KLF13: variants seen among roughly 807,000 people sequenced by gnomAD.
The protein encoded by KLF13 is KLF transcription factor 13, also known as Krueppel-like factor 13.
In KLF13, 8 loss-of-function variants were observed where a neutral mutation model predicts 16.7. The observed-to-expected ratio is 0.48, with a 90% confidence interval of 0.28 to 0.87. The LOEUF is 0.87. Ranked by LOEUF, KLF13 falls within the 40% of genes least tolerant of loss-of-function variation. KLF13 has a pLI of 0.10. For missense variants in KLF13, 447 were observed against 452.2 expected (o/e 0.99, Z 0.10); for synonymous variants, 245 against 208.4 (o/e 1.18, Z -1.51).
rs145799285 is a variant in KLF13, at chr15:31,415,675, A to G, written n.118-19695A>G. 6.7e-3 allele frequency among the ~76,000 whole-genome samples: 1,014 copies of G among 152,268 alleles called. 12 individuals carry two copies. The highest frequency in any genetic ancestry group is 0.023 in the African/African-American group (968 of 41,576). ...GGGAAATTTATAGCTGTAAATACCTATGTTAAAAAAGAAAAAAGATCTTAA... is the reference window on the plus strand; with the variant it reads ...GGGAAATTTATAGCTGTAAATACCTGTGTTAAAAAAGAAAAAAGATCTTAA... On this transcript the variant is annotated intron_variant and non_coding_transcript_variant, in intron 1 of 1. Coordinates refer to the KLF13 transcript ENST00000558225.
intron 1 of KLF13, among the ~76,000 whole-genome samples, chr15:31,415,535 T>A (rs1055887081): frequency 1.3e-5 from 2 of 152,040 alleles, no homozygotes; most frequent in African/African-American, 4.8e-5. Flanking sequence ...CACTCCTGAA[T>A]AACCAATAGG....
intron 2 of KLF13, among the ~76,000 whole-genome samples, chr15:31,396,646 G>T (rs2039955556): frequency 6.6e-6 from 1 of 152,170 alleles, no homozygotes; most frequent in South Asian, 2.1e-4. Context: ...GGAGTACAGG[G>T]TCTGCAAAAT....
Position 31,327,267 on chromosome 15 carries a change from T to G in KLF13, c.55T>G (p.Ser19Ala). Reference sequence around the variant, plus strand: ...CGCCGCCGAGTGCCTCGTGTCCATGTCGAGCCGCGCGGTCGTGCACGGGCC... The same window carrying G: ...CGCCGCCGAGTGCCTCGTGTCCATGGCGAGCCGCGCGGTCGTGCACGGGCC... The part of the protein sequence containing the change: ...HFAAECLVSM[S>A]SRAVVHGPRE... The change falls in exon 1 of 2, where the codon TCG becomes GCG. Residue 19 changes from serine to alanine, a missense_variant. Ser to Ala is a moderately conservative substitution (Grantham distance 99). Around this residue, in one of 2 missense-constraint regions of KLF13, gnomAD observed 359 missense variants for 282.8 expected, o/e 1.27. Transcript: ENST00000307145. 7.3e-7 allele frequency: 1 copy of G among 1,372,296 alleles called. No homozygotes were observed. Among genetic ancestry groups the G allele is most frequent in the Non-Finnish European group, 9.4e-7 (1 of 1,061,418 alleles). 85.0% of individuals were successfully genotyped at this position (1,372,296 alleles called of 1,614,324 possible).
intron 2 of KLF13, among the ~76,000 whole-genome samples, chr15:31,398,195 G>A (rs1421689685): frequency 6.6e-6 from 1 of 152,138 alleles, no homozygotes; most frequent in African/African-American, 2.4e-5. Context: ...CTTAATTGGT[G>A]GTGTTTTCAG....
At chr15:31,432,957 A>G (rs2040491070) in intron 1 of KLF13, among the ~76,000 whole-genome samples, 1 of 152,198 alleles carries the variant, frequency 6.6e-6, no homozygotes, top group Non-Finnish European at 1.5e-5. Context: ...TCTACTAAAA[A>G]TACAAAAATT....
chr15:31,407,330 A>G (rs144285677), downstream of KLF13, among the ~76,000 whole-genome samples: 58 of 152,262 alleles, frequency 3.8e-4, 2 homozygotes, highest in African/African-American at 1.4e-3. Context: ...AGAAGTAAAA[A>G]GAAGAGAAAG....
At chr15:31,425,050 AATAAT>A (rs2040384751) in intron 1 of KLF13, among the ~76,000 whole-genome samples, 1 of 152,180 alleles carries the variant, frequency 6.6e-6, no homozygotes, top group South Asian at 2.1e-4. Flanking sequence ...CATTGAAAAA[AATAAT>A]ATACTCAGGA....
chr15:31,423,106 C>T (rs56102832), intron 1 of KLF13, among the ~76,000 whole-genome samples: 24,635 of 53,192 alleles, frequency 0.46, 6,384 homozygotes, highest in African/African-American at 0.73. Flanking sequence ...TATACGTATA[C>T]GTATACGTAT....
chr15:31,390,568 C>G (rs1012222486), upstream of KLF13, among the ~76,000 whole-genome samples: 1 of 152,198 alleles, frequency 6.6e-6, no homozygotes, highest in African/African-American at 2.4e-5. Flanking sequence ...CTCCCTGTTG[C>G]TCTGCACTTT....
At chr15:31,331,824 C>T (rs1226921651) in intron 1 of KLF13, among the ~76,000 whole-genome samples, 1 of 152,236 alleles carries the variant, frequency 6.6e-6, no homozygotes, top group Non-Finnish European at 1.5e-5. Context: ...TACAGACCTT[C>T]TAGATGGATT....
chr15:31,373,648 C>G lies in KLF13; in HGVS notation c.*1349C>G, dbSNP rs898768140. 1 of 152,206 alleles carries G rather than the reference C, an allele frequency of 6.6e-6. No homozygotes were observed. Among genetic ancestry groups the G allele is most frequent in the African/African-American group, 2.4e-5 (1 of 41,440 alleles). 9.4% of individuals were successfully genotyped at this position (152,206 alleles called of 1,614,324 possible). A position where few individuals can be genotyped will look rare whatever the true frequency, so the allele number is the denominator to read the frequency against. On this transcript the variant is annotated 3_prime_UTR_variant, in exon 2 of 2. Transcript: ENST00000307145. ...CCAGTGCCCCATCACCGGCCTTCTC[C>G]TGGCAGGAGAGGAGGAGCAGAGAGC...
chr15:31,344,387 G>A (rs185451803), intron 1 of KLF13, among the ~76,000 whole-genome samples: 3 of 152,346 alleles, frequency 2.0e-5, no homozygotes, highest in African/African-American at 7.2e-5. Context: ...ACGTTTTCAT[G>A]TGTCTGGCTG....
In KLF13 at chr15:31,375,030, A is replaced by C. The variant is rs998500667; in HGVS notation, c.*2731A>C. 6.6e-6 allele frequency: 1 copy of C among 152,586 alleles called. No individual in the cohort carries two copies. The highest frequency in any genetic ancestry group is 2.4e-5 in the African/African-American group (1 of 41,428). The allele number at this position is 152,586 out of a possible 1,614,324, so 9.5% of individuals were successfully genotyped here. ...GCATAAGAGCGTGTCTTCATTCCCA[A>C]AGTGGTTCTCGTTTAATGGCAGGGT... On this transcript the variant is annotated 3_prime_UTR_variant, in exon 2 of 2. Transcript: ENST00000307145.
chr15:31,404,802 C>G (rs890397816), downstream of KLF13: 1 of 152,408 alleles, frequency 6.6e-6, no homozygotes, highest in African/African-American at 2.4e-5. Context: ...TTCTTGCGGT[C>G]AGCGAGACCA....
chr15:31,368,534 T>C (rs549156153), intron 1 of KLF13, among the ~76,000 whole-genome samples: 15 of 152,338 alleles, frequency 9.8e-5, no homozygotes, highest in Admixed American at 5.9e-4. Flanking sequence ...CTTCTTGTTA[T>C]GGAAGAAACA....
At chr15:31,431,904 A>T (rs1233310264) in intron 1 of KLF13, among the ~76,000 whole-genome samples, 2 of 152,210 alleles carry the variant, frequency 1.3e-5, no homozygotes, top group African/African-American at 4.8e-5. Context: ...TATGTGGTCA[A>T]CTCTAAAGCA....
chr15:31,354,824 T>C (rs1025265743), intron 1 of KLF13, among the ~76,000 whole-genome samples: 13 of 152,194 alleles, frequency 8.5e-5, no homozygotes, highest in African/African-American at 2.9e-4. Context: ...TCCAGTTGTT[T>C]TGAAGGAAAT....
chr15:31,371,099 C>T (rs974221190), intron 1 of KLF13, among the ~76,000 whole-genome samples: 11 of 152,126 alleles, frequency 7.2e-5, no homozygotes, highest in East Asian at 3.9e-4. Flanking sequence ...AAGAAGGGCT[C>T]GTTTCTGGGG....
At chr15:31,380,795 C>T (rs564531090), downstream of KLF13, among the ~76,000 whole-genome samples, 1 of 152,234 alleles carries the variant, frequency 6.6e-6, no homozygotes, top group Non-Finnish European at 1.5e-5. Flanking sequence ...TCCACCGTTA[C>T]GCATCAGAGA....
Sources: gnomAD v4.1 joint callset for allele counts (sites outside exome capture counted in the v4.1 genomes callset) on GRCh38, gnomAD v4.1.1 for gene constraint, gnomAD v4.1.1 regional missense constraint, MANE v1.5 for transcripts, NCBI Gene and HGNC (gene_info 2026-07-23, HGNC 2026-07-21) for gene names.